MMS19: variants seen among roughly 807,000 people sequenced by gnomAD.
MMS19 encodes the protein MMS19 nucleotide excision repair protein homolog.
Under a neutral mutation model 129.8 loss-of-function variants are expected in MMS19, and 77 were observed. The ratio of observed to expected loss-of-function variants is 0.59; its 90% CI spans 0.49 to 0.72. The LOEUF is 0.72. Among genes scored for constraint, MMS19 ranks in the 30% least tolerant of loss-of-function variants. The probability of loss-of-function intolerance (pLI) is 0.00; values close to 1 mark genes in which losing one functional copy is unlikely to be tolerated. For synonymous variants in MMS19, 491 were observed against 502.8 expected, an observed-to-expected ratio of 0.98 and a Z score of 0.31; for missense variants, 1,168 against 1,266.3, an observed-to-expected ratio of 0.92 and a Z score of 1.18.
chr10:97,498,504 T>G, upstream of MMS19: 1 of 1,438,054 alleles, frequency 7.0e-7, no homozygotes, highest in Admixed American at 2.3e-5. Context: ...CGGGGTCACG[T>G]GCCTGCCGGC....
chr10:97,479,103 G>A (rs1474326004), intron 3 of MMS19, among the ~76,000 whole-genome samples: 1 of 152,046 alleles, frequency 6.6e-6, no homozygotes, highest in African/African-American at 2.4e-5. Flanking sequence ...CCCTCCCTCT[G>A]CCTCTATACA....
chr10:97,477,606 A>G (rs1450445472), intron 5 of MMS19, among the ~76,000 whole-genome samples, 190 bp from the exon 6 acceptor site: 1 of 152,230 alleles, frequency 6.6e-6, no homozygotes, highest in Non-Finnish European at 1.5e-5. Context: ...AATAATTCAA[A>G]CCTGCCTGAC....
At position 97,469,672 on chromosome 10, in the gene MMS19, T is replaced by G; in HGVS notation, c.898A>C (p.Ser300Arg). The change falls in exon 11 of 31, where the codon AGC becomes CGC. Residue 300 changes from serine (S) to arginine (R), a missense_variant. Physicochemically the swap from Ser to Arg is moderately radical, Grantham distance 110. Around this residue, in one of 3 missense-constraint regions of MMS19, gnomAD observed 831 missense variants for 910.8 expected, o/e 0.91. Coordinates refer to ENST00000438925, the MANE Select transcript of MMS19 (RefSeq NM_022362.5). ...GQKELKDFLP[S>R]LWASIRREVF... ...TCTCTGCGGATAGAAGCCCAAAGGCTGGGGAGGAAGTCCTTCAGTTCCTTC... is the reference window on the plus strand; with the variant it reads ...TCTCTGCGGATAGAAGCCCAAAGGCGGGGGAGGAAGTCCTTCAGTTCCTTC... 1 of 1,613,956 alleles carries G rather than the reference T, an allele frequency of 6.2e-7. No homozygotes were observed. Among genetic ancestry groups the G allele is most frequent in the South Asian group, 1.1e-5 (1 of 91,082 alleles).
intron 1 of MMS19, among the ~76,000 whole-genome samples, chr10:97,485,791 C>T (rs1436173983): frequency 6.6e-6 from 1 of 152,072 alleles, no homozygotes; most frequent in East Asian, 1.9e-4. Context: ...TTCATACCTG[C>T]TAGGATGGCT....
chr10:97,470,385 C>T (rs2034435432), intron 9 of MMS19, among the ~76,000 whole-genome samples, 182 bp from the exon 10 acceptor site: 1 of 152,242 alleles, frequency 6.6e-6, no homozygotes, highest in South Asian at 2.1e-4. Flanking sequence ...CCCACTACCT[C>T]AAAAACAGGC....
intron 2 of MMS19, among the ~76,000 whole-genome samples, chr10:97,481,676 T>C (rs1397041094): frequency 2.6e-5 from 4 of 152,080 alleles, no homozygotes; most frequent in East Asian, 3.9e-4. Flanking sequence ...ATCCTCAAAA[T>C]TGCTCTACGG....
At chr10:97,469,239 T>C (rs1044122818) in intron 11 of MMS19, 135 bp from the exon 12 acceptor site, 5 of 1,101,954 alleles carry the variant, frequency 4.5e-6, no homozygotes, top group Admixed American at 5.6e-5. Context: ...ACACCCCAAC[T>C]GAGTGTCTTC....
At chr10:97,459,323 G>A (rs369338424) in intron 28 of MMS19, 39 bp downstream of exon 28, 1 of 1,612,042 alleles carries the variant, frequency 6.2e-7, no homozygotes, top group Non-Finnish European at 8.5e-7. Flanking sequence ...TGCCCAGGGA[G>A]AGATGCTGGT....
chr10:97,486,207 A>G (rs2037819208), intron 1 of MMS19, among the ~76,000 whole-genome samples: 2 of 152,210 alleles, frequency 1.3e-5, no homozygotes, highest in African/African-American at 4.8e-5. Flanking sequence ...TTTCTGAGAC[A>G]GGGTCTCTCT....
intron 2 of MMS19, among the ~76,000 whole-genome samples, chr10:97,482,757 CACACACACACAT>C (rs1329782767): frequency 2.0e-5 from 3 of 150,138 alleles, no homozygotes; most frequent in African/African-American, 7.3e-5. Context: ...CACACACACA[CACACACACACAT>C]ATATTTTTTG....
intron 8 of MMS19, among the ~76,000 whole-genome samples, chr10:97,472,733 C>G (rs12569570): frequency 0.23 from 35,324 of 151,972 alleles, 4,985 homozygotes; most frequent in Non-Finnish European, 0.33. Flanking sequence ...CCTCCACCTC[C>G]CGAGTAGCAG....
intron 1 of MMS19, among the ~76,000 whole-genome samples, chr10:97,485,033 C>T (rs1296218769): frequency 6.6e-6 from 1 of 152,174 alleles, no homozygotes; most frequent in Non-Finnish European, 1.5e-5. Flanking sequence ...TCTCAGTCTC[C>T]CAAAGTGCTG....
At chr10:97,462,747 G>C in intron 19 of MMS19, 65 bp from the exon 20 acceptor site, 1 of 1,274,654 alleles carries the variant, frequency 7.8e-7, no homozygotes, top group Non-Finnish European at 1.1e-6. Context: ...TGAATGATTG[G>C]GTTCTGTCAG....
At chr10:97,494,934 T>C (rs1180705848) in intron 1 of MMS19, among the ~76,000 whole-genome samples, 1 of 152,204 alleles carries the variant, frequency 6.6e-6, no homozygotes, top group Non-Finnish European at 1.5e-5. Flanking sequence ...ATTCTGGTGG[T>C]ACAACTGGGA....
At chr10:97,498,522 T>C (rs1413745332), upstream of MMS19, 2 of 1,276,792 alleles carry the variant, frequency 1.6e-6, no homozygotes, top group African/African-American at 1.5e-5. Flanking sequence ...GGCTTCTGCC[T>C]AGGCAGTTCC....
chr10:97,460,557 G>A (rs1376105083), intron 25 of MMS19, 138 bp downstream of exon 25: 2 of 776,236 alleles, frequency 2.6e-6, no homozygotes, highest in South Asian at 3.3e-5. Flanking sequence ...GGGTGACAGA[G>A]TAAGACCCTG....
At chr10:97,466,731 AG>A in intron 15 of MMS19, 44 bp downstream of exon 15, 2 of 1,613,798 alleles carry the variant, frequency 1.2e-6, no homozygotes, top group African/African-American at 2.7e-5. Flanking sequence ...CAGTCTTACA[AG>A]AAAAGGACCA....
chr10:97,498,164 C>A, intron 1 of MMS19, 109 bp downstream of exon 1: 1 of 1,042,208 alleles, frequency 9.6e-7, no homozygotes. Flanking sequence ...AGCCTTGAGA[C>A]CAATCTCTCA....
chr10:97,467,074 G>C (rs1173580703), intron 14 of MMS19, among the ~76,000 whole-genome samples, 173 bp from the exon 15 acceptor site: 2 of 152,098 alleles, frequency 1.3e-5, no homozygotes, highest in African/African-American at 2.4e-5. Flanking sequence ...TGCCTCCCAG[G>C]TTCAAGCCAT....
Sources: allele counts gnomAD v4.1 joint callset (sites outside exome capture counted in the v4.1 genomes callset), GRCh38; gene constraint gnomAD v4.1.1; regional missense constraint gnomAD v4.1.1; transcripts MANE v1.5; gene names NCBI Gene and HGNC (gene_info 2026-07-23, HGNC 2026-07-21).